Variants in SLC9C2 observed in about 807,000 individuals in gnomAD.
SLC9C2 encodes the protein sodium/hydrogen exchanger 11.
In SLC9C2, 75 loss-of-function variants were observed where a neutral mutation model predicts 140.2. The observed-to-expected ratio is 0.53, with a 90% CI of 0.44 to 0.65. SLC9C2 has a LOEUF of 0.65. SLC9C2 is among the 30% of genes least tolerant of loss of function. SLC9C2 has a pLI of 0.00. For synonymous variants in SLC9C2, 375 were observed against 420.9 expected (o/e 0.89, Z 1.34); for missense variants, 1,074 against 1,331.8 (o/e 0.81, Z 3.01).
intron 23 of SLC9C2, among the ~76,000 whole-genome samples, chr1:173,513,733 A>C (rs1660211492): frequency 1.3e-5 from 2 of 151,920 alleles, no homozygotes; most frequent in African/African-American, 4.8e-5. Flanking sequence ...TAGCTCTTTT[A>C]ATTGTGATGT....
chr1:173,542,756 A>C (rs1395887076), intron 13 of SLC9C2, among the ~76,000 whole-genome samples: 3 of 152,148 alleles, frequency 2.0e-5, no homozygotes, highest in Non-Finnish European at 2.9e-5. Flanking sequence ...CAAAGACAAA[A>C]ACCACATGAT....
intron 8 of SLC9C2, among the ~76,000 whole-genome samples, chr1:173,575,975 G>A (rs993989109): frequency 6.6e-6 from 1 of 152,166 alleles, no homozygotes; most frequent in African/African-American, 2.4e-5. Flanking sequence ...CAAAAAAGTA[G>A]AACGGACATA....
intron 23 of SLC9C2, among the ~76,000 whole-genome samples, chr1:173,516,004 G>A (rs1345247328): frequency 1.3e-5 from 2 of 152,172 alleles, no homozygotes; most frequent in Non-Finnish European, 2.9e-5. Context: ...GTCACTCGAG[G>A]AGGCTGGAGA....
At chr1:173,515,365 C>A (rs1660341827) in intron 23 of SLC9C2, among the ~76,000 whole-genome samples, 1 of 152,060 alleles carries the variant, frequency 6.6e-6, no homozygotes, top group South Asian at 2.1e-4. Flanking sequence ...CCTTTTCATT[C>A]TTTTTTTCTC....
intron 9 of SLC9C2, 95 bp from the exon 10 acceptor site, chr1:173,557,603 A>C: frequency 8.3e-7 from 1 of 1,205,078 alleles, no homozygotes; most frequent in Non-Finnish European, 1.2e-6. Flanking sequence ...TTAATATAAA[A>C]ATTTTCGGGA....
At chr1:173,568,445 A>G (rs1258225454) in intron 9 of SLC9C2, among the ~76,000 whole-genome samples, 2 of 152,164 alleles carry the variant, frequency 1.3e-5, no homozygotes, top group East Asian at 1.9e-4. Context: ...TCCATGTTCC[A>G]CAAAAGACAT....
intron 3 of SLC9C2, among the ~76,000 whole-genome samples, chr1:173,599,362 ATT>A (rs61579339): frequency 4.4e-5 from 3 of 68,126 alleles, no homozygotes; most frequent in Admixed American, 2.7e-4. Context: ...ATTTTCCTTG[ATT>A]TTTTTTTTTT....
intron 10 of SLC9C2, among the ~76,000 whole-genome samples, chr1:173,555,692 A>T (rs766360888): frequency 1.3e-5 from 2 of 152,236 alleles, no homozygotes; most frequent in African/African-American, 2.4e-5. Context: ...CTTTTGGAGC[A>T]TGGAAAGAAC....
intron 9 of SLC9C2, among the ~76,000 whole-genome samples, chr1:173,566,824 A>C (rs1335821905): frequency 6.6e-6 from 1 of 150,838 alleles, no homozygotes. Context: ...TGTAACTATA[A>C]ATTTCCCTCT....
chr1:173,589,550 ACT>A (rs970424880), intron 4 of SLC9C2, among the ~76,000 whole-genome samples: 22 of 151,788 alleles, frequency 1.4e-4, no homozygotes, highest in Non-Finnish European at 2.9e-4. Flanking sequence ...ACAGAGCTAG[ACT>A]CTGTCTCAAA....
intron 9 of SLC9C2, chr1:173,571,566 CTTTA>C (rs1558077912): frequency 6.6e-6 from 1 of 152,096 alleles, no homozygotes; most frequent in Non-Finnish European, 1.5e-5. Flanking sequence ...CCTCACCATG[CTTTA>C]TTTATTTTCA....
chr1:173,549,536 C>T (rs1663103508), intron 11 of SLC9C2, among the ~76,000 whole-genome samples: 1 of 152,220 alleles, frequency 6.6e-6, no homozygotes, highest in Admixed American at 6.5e-5. Flanking sequence ...ATGTAGGCTA[C>T]TTGGTGGCAC....
At chr1:173,588,193 A>T (rs1026425597) in intron 4 of SLC9C2, among the ~76,000 whole-genome samples, 1 of 152,198 alleles carries the variant, frequency 6.6e-6, no homozygotes, top group Admixed American at 6.5e-5. Context: ...CTGGTACATG[A>T]CACAAATTTA....
chr1:173,524,839 A>G lies in SLC9C2; in HGVS notation c.2454T>C (p.Asn818=). ...IRNVIAKALK[N]LTFLCSRGII... is the part of the protein sequence containing the mutation. ...TGCCTCTTGAACAAAGGAAGGTGAGATTTTTTAGAGCTTTAGCAATCACAT... is the reference window on the plus strand; with the variant it reads ...TGCCTCTTGAACAAAGGAAGGTGAGGTTTTTTAGAGCTTTAGCAATCACAT... The change falls in exon 20 of 28, where the codon AAT becomes AAC. Residue 818 remains asparagine, a synonymous_variant. Transcript: ENST00000367714. 1.2e-6 allele frequency: 2 copies of G among 1,614,050 alleles called. No homozygotes were observed. Among genetic ancestry groups the G allele is most frequent in the Non-Finnish European group, 8.5e-7 (1 of 1,179,960 alleles).
chr1:173,529,198 T>G (rs139048706), intron 18 of SLC9C2, among the ~76,000 whole-genome samples: 62 of 152,138 alleles, frequency 4.1e-4, no homozygotes, highest in African/African-American at 1.3e-3. Flanking sequence ...AAGAGCAGAG[T>G]TGACAGCTAT....
Position 173,537,021 on chromosome 1 carries a change from G to A in SLC9C2, c.1576C>T (p.Arg526Cys), listed in dbSNP as rs187759185. 38 of 1,613,184 alleles carry A rather than the reference G, an allele frequency of 2.4e-5. No homozygotes were observed. The highest frequency in any genetic ancestry group is 3.1e-5 in the Non-Finnish European group (36 of 1,179,442). Residue 526 changes from arginine (R) to cysteine (C), a missense_variant, in exon 14 of 28, where the codon CGT (arginine) becomes TGT (cysteine). Transcript: ENST00000367714. ...TCTATTTCAAGAATTCCATTGTTAC[G>A]CTGTTTTTCAAAGCTACTCTAAACA... Reference protein sequence around the residue: ...AIQMSSFEKQRNNGILEIEAA... With the variant: ...AIQMSSFEKQCNNGILEIEAA...
At chr1:173,537,068 A>G (rs758195220) in intron 13 of SLC9C2, 29 bp from the exon 14 acceptor site, 6 of 1,544,512 alleles carry the variant, frequency 3.9e-6, no homozygotes, top group Non-Finnish European at 5.4e-6. Context: ...AAGATTACAA[A>G]AGATCAAAAC....
intron 6 of SLC9C2, among the ~76,000 whole-genome samples, 186 bp downstream of exon 6, chr1:173,583,320 G>T (rs991167073): frequency 1.3e-5 from 2 of 151,920 alleles, no homozygotes; most frequent in Non-Finnish European, 2.9e-5. Flanking sequence ...GAATATTTTT[G>T]ATCTGCAGTT....
At chr1:173,516,051 C>T (rs1376245220) in intron 23 of SLC9C2, among the ~76,000 whole-genome samples, 1 of 152,194 alleles carries the variant, frequency 6.6e-6, no homozygotes, top group Non-Finnish European at 1.5e-5. Flanking sequence ...CCTCTGGGAT[C>T]TCTGACCTTG....
Sources: gnomAD v4.1 joint callset for allele counts (sites outside exome capture counted in the v4.1 genomes callset) on GRCh38, gnomAD v4.1.1 for gene constraint, MANE v1.5 for transcripts, NCBI Gene and HGNC (gene_info 2026-07-23, HGNC 2026-07-21) for gene names.